Variants in APBB1IP observed in about 807,000 individuals in gnomAD.
APBB1IP encodes amyloid beta precursor protein binding family B member 1 interacting protein.
A neutral mutation model predicts 64.9 loss-of-function variants in APBB1IP; 27 were observed. The ratio of observed to expected loss-of-function variants is 0.42; its 90% CI spans 0.31 to 0.57. The LOEUF is 0.57. APBB1IP is among the 20% of genes least tolerant of loss of function. APBB1IP has a pLI of 0.20. For synonymous variants in APBB1IP, 392 were observed against 331.0 expected (o/e 1.18, Z -2.00); for missense variants, 812 against 845.5 (o/e 0.96, Z 0.49).
At chr10:26,534,327 C>A (rs1290030893) in intron 9 of APBB1IP, among the ~76,000 whole-genome samples, 1 of 145,444 alleles carries the variant, frequency 6.9e-6, no homozygotes, top group Non-Finnish European at 1.5e-5. Context: ...AATCGAGGAT[C>A]TGTTCGCAGC....
intron 9 of APBB1IP, among the ~76,000 whole-genome samples, chr10:26,535,154 C>A (rs1171804073): frequency 6.6e-6 from 1 of 151,958 alleles, no homozygotes; most frequent in East Asian, 1.9e-4. Context: ...ATTAAGAATT[C>A]TATAATCCTA....
At chr10:26,523,864 G>C (rs1393077028) in intron 8 of APBB1IP, among the ~76,000 whole-genome samples, 1 of 152,000 alleles carries the variant, frequency 6.6e-6, no homozygotes, top group Non-Finnish European at 1.5e-5. Context: ...CTTGAATGGT[G>C]GCTCACTATG....
chr10:26,481,826 CGT>C (rs71521683), intron 2 of APBB1IP, among the ~76,000 whole-genome samples: 49,331 of 142,918 alleles, frequency 0.35, 8,797 homozygotes, highest in East Asian at 0.54. Context: ...CATCTCATTA[CGT>C]GTGTGTGTGT....
chr10:26,551,684 C>T (rs1836832902), intron 11 of APBB1IP, among the ~76,000 whole-genome samples: 4 of 152,192 alleles, frequency 2.6e-5, no homozygotes, highest in Admixed American at 2.6e-4. Flanking sequence ...CTTCCTACCC[C>T]TTACTCAGCT....
intron 14 of APBB1IP, among the ~76,000 whole-genome samples, chr10:26,564,049 T>C (rs1391200667): frequency 1.3e-5 from 2 of 148,554 alleles, no homozygotes; most frequent in Non-Finnish European, 3.0e-5. Context: ...AAAGAAAAAA[T>C]ACATCACCAG....
At chr10:26,455,990 A>C (rs1380940122) in intron 2 of APBB1IP, among the ~76,000 whole-genome samples, 1 of 152,270 alleles carries the variant, frequency 6.6e-6, no homozygotes, top group Non-Finnish European at 1.5e-5. Context: ...GAAAGAAGCC[A>C]GACACAAAAG....
At chr10:26,552,027 A>G (rs1045532791) in intron 11 of APBB1IP, among the ~76,000 whole-genome samples, 1 of 152,172 alleles carries the variant, frequency 6.6e-6, no homozygotes, top group Non-Finnish European at 1.5e-5. Context: ...GGGCAGGCAC[A>G]GTGGCTCATG....
At chr10:26,558,140 AACACAC>A (rs58025187) in intron 11 of APBB1IP, among the ~76,000 whole-genome samples, 33 of 148,994 alleles carry the variant, frequency 2.2e-4, no homozygotes, top group African/African-American at 5.9e-4. Flanking sequence ...CACACACACA[AACACAC>A]ACACACACAC....
chr10:26,510,048 C>A (rs938201786), intron 6 of APBB1IP, among the ~76,000 whole-genome samples: 3 of 152,316 alleles, frequency 2.0e-5, no homozygotes, highest in African/African-American at 7.2e-5. Context: ...CGGCTCACTG[C>A]AACCTCTGCC....
chr10:26,560,742 C>T lies in APBB1IP; in HGVS notation c.1267C>T (p.Leu423Phe), dbSNP rs773115126. 1.9e-6 allele frequency: 3 copies of T among 1,596,060 alleles called. No individual in the cohort carries two copies. The highest frequency in any genetic ancestry group is 2.6e-6 in the Non-Finnish European group (3 of 1,171,540). ...GTTCTCTCCCCAGTATGGGAAGACT[C>T]TCTATGATAACTACCAGCGGGCTGT... Reference protein sequence around the residue: ...GIRIAKYGKTLYDNYQRAVAK... With the variant: ...GIRIAKYGKTFYDNYQRAVAK... The change falls in exon 13 of 15, where the codon CTC becomes TTC. Residue 423 changes from leucine to phenylalanine, a missense_variant. Physicochemically the swap from Leu to Phe is conservative, Grantham distance 22. Around this residue, in one of 3 missense-constraint regions of APBB1IP, gnomAD observed 381 missense variants for 352.1 expected, o/e 1.08. Transcript: ENST00000376236.
At chr10:26,453,971 A>G (rs1181615110) in intron 2 of APBB1IP, among the ~76,000 whole-genome samples, 5 of 152,248 alleles carry the variant, frequency 3.3e-5, no homozygotes, top group Admixed American at 2.6e-4. Flanking sequence ...AATTCCATCA[A>G]CAGGTGAATG....
At chr10:26,510,475 G>A (rs1225719922) in intron 6 of APBB1IP, among the ~76,000 whole-genome samples, 1 of 152,162 alleles carries the variant, frequency 6.6e-6, no homozygotes, top group African/African-American at 2.4e-5. Flanking sequence ...GCTCATGCCT[G>A]TAATCCCAGC....
chr10:26,469,144 TTGAAA>T (rs1452560077), intron 2 of APBB1IP, among the ~76,000 whole-genome samples: 2 of 151,886 alleles, frequency 1.3e-5, no homozygotes, highest in Non-Finnish European at 2.9e-5. Context: ...TTTTTGACTC[TTGAAA>T]TAAGACTTAG....
chr10:26,477,104 CTT>C (rs1835785319), intron 2 of APBB1IP, among the ~76,000 whole-genome samples: 1 of 152,150 alleles, frequency 6.6e-6, no homozygotes, highest in Non-Finnish European at 1.5e-5. Context: ...CCCAGCCCTA[CTT>C]TTCTTCCCAG....
intron 10 of APBB1IP, among the ~76,000 whole-genome samples, chr10:26,541,009 G>GGC (rs1457104013): frequency 1.3e-5 from 2 of 151,174 alleles, no homozygotes; most frequent in Non-Finnish European, 2.9e-5. Context: ...TGAAATTTCT[G>GGC]GCTAAGCGGT....
chr10:26,440,297 T>C (rs1835326262), intron 2 of APBB1IP, among the ~76,000 whole-genome samples: 2 of 152,176 alleles, frequency 1.3e-5, no homozygotes, highest in Non-Finnish European at 1.5e-5. Flanking sequence ...GTTCTTAAAA[T>C]AGCAATTGAG....
chr10:26,527,542 CA>C (rs550297713), intron 8 of APBB1IP, among the ~76,000 whole-genome samples: 3,069 of 91,172 alleles, frequency 0.034, 42 homozygotes, highest in South Asian at 0.091. Context: ...TACCTTGTCT[CA>C]AAAAAAAAAA....
chr10:26,465,888 G>A (rs1235881152), intron 2 of APBB1IP, among the ~76,000 whole-genome samples: 2 of 152,324 alleles, frequency 1.3e-5, no homozygotes, highest in East Asian at 1.9e-4. Context: ...TAGGTATTAG[G>A]ATAATTTGTT....
At chr10:26,443,890 G>A (rs4749131) in intron 2 of APBB1IP, among the ~76,000 whole-genome samples, 59,002 of 152,026 alleles carry the variant, frequency 0.39, 11,638 homozygotes, top group South Asian at 0.49. Flanking sequence ...TGTTTGCTAA[G>A]CACTATTATA....
Sources: gnomAD v4.1 joint callset for allele counts (sites outside exome capture counted in the v4.1 genomes callset) on GRCh38, gnomAD v4.1.1 for gene constraint, gnomAD v4.1.1 regional missense constraint, MANE v1.5 for transcripts, NCBI Gene and HGNC (gene_info 2026-07-23, HGNC 2026-07-21) for gene names.